CEP128: variants seen among roughly 807,000 people sequenced by gnomAD.
The protein encoded by CEP128 is centrosomal protein 128kDa.
CEP128 carries 132 observed loss-of-function variants against 156.7 expected under a neutral mutation model. The observed-to-expected ratio is 0.84, with a 90% CI of 0.73 to 0.97. The LOEUF (loss-of-function observed/expected upper bound fraction) is 0.97. Among genes scored for constraint, CEP128 ranks in the 50% least tolerant of loss-of-function variants. The probability of loss-of-function intolerance (pLI) is 0.00; values close to 1 mark genes in which losing one functional copy is unlikely to be tolerated. For missense variants in CEP128, 1,252 were observed against 1,281.9 expected (o/e 0.98, Z 0.36); for synonymous variants, 469 against 448.9 (o/e 1.04, Z -0.57).
intron 17 of CEP128, 22 bp downstream of exon 17, chr14:80,761,415 T>C: frequency 6.6e-7 from 1 of 1,526,108 alleles, no homozygotes; most frequent in Non-Finnish European, 9.0e-7. Context: ...AAATATAAGG[T>C]GCAATGAGAA....
chr14:80,759,429 A>G (rs1312816009), intron 17 of CEP128, among the ~76,000 whole-genome samples: 1 of 152,128 alleles, frequency 6.6e-6, no homozygotes, highest in Non-Finnish European at 1.5e-5. Context: ...ATTCTTCCAC[A>G]CTCTCTCAGA....
intron 21 of CEP128, among the ~76,000 whole-genome samples, chr14:80,548,215 G>A (rs1793367877): frequency 6.6e-6 from 1 of 152,012 alleles, no homozygotes; most frequent in South Asian, 2.1e-4. Context: ...TGGCTATGGT[G>A]GAGACATGAC....
At chr14:80,763,436 G>A (rs906356812) in intron 16 of CEP128, among the ~76,000 whole-genome samples, 2 of 152,088 alleles carry the variant, frequency 1.3e-5, no homozygotes, top group Admixed American at 6.6e-5. Flanking sequence ...AACAGTATTT[G>A]ATAATTGTAT....
chr14:80,587,857 A>T (rs1891884031), intron 19 of CEP128, among the ~76,000 whole-genome samples: 1 of 152,156 alleles, frequency 6.6e-6, no homozygotes, highest in East Asian at 1.9e-4. Flanking sequence ...TTTTCTCCCC[A>T]CATGTACTCT....
intron 21 of CEP128, among the ~76,000 whole-genome samples, chr14:80,547,948 G>A (rs1259416162): frequency 2.0e-5 from 3 of 151,996 alleles, no homozygotes; most frequent in African/African-American, 7.3e-5. Flanking sequence ...ACAGGCAAGC[G>A]CCACCACGCC....
chr14:80,602,024 A>G (rs1892600588), intron 19 of CEP128, among the ~76,000 whole-genome samples: 1 of 152,242 alleles, frequency 6.6e-6, no homozygotes, highest in Non-Finnish European at 1.5e-5. Flanking sequence ...GGATGAAAAC[A>G]GTAACCAAAG....
chr14:80,541,224 T>C (rs1889742716), intron 21 of CEP128, among the ~76,000 whole-genome samples: 1 of 152,162 alleles, frequency 6.6e-6, no homozygotes, highest in South Asian at 2.1e-4. Flanking sequence ...CTAGCCATAG[T>C]CCACTGTAGC....
chr14:80,786,762 G>T (rs1319081648), intron 14 of CEP128, among the ~76,000 whole-genome samples: 1 of 152,188 alleles, frequency 6.6e-6, no homozygotes, highest in African/African-American at 2.4e-5. Context: ...TAGAATTTAA[G>T]TTCGAGGAGG....
intron 2 of CEP128, among the ~76,000 whole-genome samples, chr14:80,956,904 A>C (rs1886723729): frequency 6.6e-6 from 1 of 152,202 alleles, no homozygotes; most frequent in Non-Finnish European, 1.5e-5. Context: ...GTCATTCTCC[A>C]TGCTGCCACC....
At chr14:80,488,974 G>C (rs1490726616), downstream of CEP128, among the ~76,000 whole-genome samples, 6 of 146,904 alleles carry the variant, frequency 4.1e-5, no homozygotes, top group African/African-American at 1.5e-4. Context: ...TCACACTCCA[G>C]GGACTGTTGT....
chr14:80,632,274 TTATAC>T (rs1425038518), intron 19 of CEP128, among the ~76,000 whole-genome samples: 1 of 151,622 alleles, frequency 6.6e-6, no homozygotes, highest in Non-Finnish European at 1.5e-5. Flanking sequence ...ATACATAGAA[TTATAC>T]TATATGTGTA....
At chr14:80,566,713 G>A (rs1890924275) in intron 20 of CEP128, among the ~76,000 whole-genome samples, 1 of 152,150 alleles carries the variant, frequency 6.6e-6, no homozygotes, top group Non-Finnish European at 1.5e-5. Context: ...AGCTTGCACT[G>A]GTTTCCCAAT....
intron 19 of CEP128, among the ~76,000 whole-genome samples, chr14:80,593,434 G>C (rs938546815): frequency 6.6e-6 from 1 of 151,502 alleles, no homozygotes; most frequent in Non-Finnish European, 1.5e-5. Context: ...CCAGCTACTC[G>C]GGTGACTGAG....
At chr14:80,635,548 T>C (rs1894146545) in intron 19 of CEP128, among the ~76,000 whole-genome samples, 1 of 152,192 alleles carries the variant, frequency 6.6e-6, no homozygotes, top group Non-Finnish European at 1.5e-5. Flanking sequence ...GAGTTTCTTC[T>C]TGTGTAGAGG....
intron 19 of CEP128, among the ~76,000 whole-genome samples, chr14:80,733,981 C>T (rs911024172): frequency 5.9e-5 from 9 of 152,066 alleles, no homozygotes; most frequent in African/African-American, 2.2e-4. Context: ...CTTTAGTTCC[C>T]TTATTTCATG....
At chr14:80,904,268 G>A (rs1883752259) in intron 6 of CEP128, among the ~76,000 whole-genome samples, 1 of 152,028 alleles carries the variant, frequency 6.6e-6, no homozygotes, top group Non-Finnish European at 1.5e-5. Flanking sequence ...GATCCCACTT[G>A]TGTATGAACT....
chr14:80,498,087 C>G (rs1231684771), intron 24 of CEP128, among the ~76,000 whole-genome samples: 1 of 152,182 alleles, frequency 6.6e-6, no homozygotes, highest in Admixed American at 6.5e-5. Context: ...TATCTCTACT[C>G]TCTGATGCCT....
At chr14:80,514,038 G>A (rs1030099780) in intron 23 of CEP128, among the ~76,000 whole-genome samples, 5 of 152,054 alleles carry the variant, frequency 3.3e-5, no homozygotes, top group African/African-American at 1.2e-4. Flanking sequence ...AAAAGACCTT[G>A]GTCTCCACAA....
intron 16 of CEP128, among the ~76,000 whole-genome samples, chr14:80,774,168 A>G (rs1173432856): frequency 1.3e-5 from 2 of 152,232 alleles, no homozygotes; most frequent in Non-Finnish European, 2.9e-5. Context: ...TAATGCTACC[A>G]CTGATGCTAA....
Sources: gnomAD v4.1 joint callset for allele counts (sites outside exome capture counted in the v4.1 genomes callset) on GRCh38, gnomAD v4.1.1 for gene constraint, MANE v1.5 for transcripts, NCBI Gene and HGNC (gene_info 2026-07-23, HGNC 2026-07-21) for gene names.